TRIO: variants seen among roughly 807,000 people sequenced by gnomAD.
The protein encoded by TRIO is triple functional domain protein.
TRIO carries 58 observed loss-of-function variants against 351.9 expected under a neutral mutation model. The observed-to-expected ratio is 0.16, with a 90% CI of 0.13 to 0.21. TRIO has a LOEUF of 0.21. Ranked by LOEUF, TRIO falls within the 10% of genes least tolerant of loss-of-function variation. The probability of loss-of-function intolerance (pLI) is 1.00; values close to 1 mark genes in which losing one functional copy is unlikely to be tolerated. For synonymous variants in TRIO, 1,758 were observed against 1,595.7 expected (o/e 1.10, Z -2.42); for missense variants, 3,201 against 4,027.8 (o/e 0.79, Z 5.56).
Position 14,369,469 on chromosome 5 carries a change from C to T in TRIO, c.3162C>T (p.Asp1054=). The T allele has an allele frequency of 1.2e-6, 2 of 1,614,094 alleles. No individual in the cohort carries two copies. Among genetic ancestry groups the T allele is most frequent in the Non-Finnish European group, 1.7e-6 (2 of 1,180,012 alleles). ...AGCTGGGCCCAAACTCTGAGACGGA[C>T]CACGTGACGCCCATGATCAGCAAGC... ...ADKLGPNSET[D]HVTPMISKHL... Residue 1054 remains aspartate, a synonymous_variant, in exon 18 of 57, where the codon GAC becomes GAT. Transcript: ENST00000344204.
intron 10 of TRIO, among the ~76,000 whole-genome samples, chr5:14,333,069 T>C (rs889686303): frequency 1.3e-5 from 2 of 152,018 alleles, no homozygotes; most frequent in African/African-American, 4.8e-5. Flanking sequence ...CAGTGGAAAA[T>C]AATGAGACTT....
intron 34 of TRIO, among the ~76,000 whole-genome samples, chr5:14,434,370 C>T (rs1460091050): frequency 2.6e-5 from 4 of 152,028 alleles, no homozygotes; most frequent in African/African-American, 9.7e-5. Context: ...TTTAATTTGT[C>T]TGATACGTTT....
At chr5:14,165,801 C>T (rs889363512) in intron 1 of TRIO, among the ~76,000 whole-genome samples, 4 of 152,158 alleles carry the variant, frequency 2.6e-5, no homozygotes, top group Admixed American at 6.5e-5. Flanking sequence ...TGAACTCTAC[C>T]GGTGGTGTCA....
Position 14,436,314 on chromosome 5 carries a change from T to C in TRIO, c.5203+16293T>C, listed in dbSNP as rs533977067. 7.2e-5 allele frequency among the ~76,000 whole-genome samples: 11 copies of C among 152,254 alleles called. No homozygotes were observed. In the South Asian group the frequency reaches 1.9e-3, roughly 26 times the overall value. ...AAACCGTCAGGTCTTATGAGACTTATTCACTGTCACAAGTACAGCACGGGA... is the reference window on the plus strand; with the variant it reads ...AAACCGTCAGGTCTTATGAGACTTACTCACTGTCACAAGTACAGCACGGGA... On this transcript the variant is annotated intron_variant, in intron 34 of 56. Transcript: ENST00000344204.
intron 2 of TRIO, among the ~76,000 whole-genome samples, chr5:14,276,526 T>C (rs1735535127): frequency 6.6e-6 from 1 of 152,276 alleles, no homozygotes; most frequent in Non-Finnish European, 1.5e-5. Flanking sequence ...CCATCATTTC[T>C]CTTTTTCACA....
intron 33 of TRIO, among the ~76,000 whole-genome samples, chr5:14,416,180 A>G (rs1294939222): frequency 6.7e-6 from 1 of 149,920 alleles, no homozygotes; most frequent in Non-Finnish European, 1.5e-5. Flanking sequence ...CAGACGTAAC[A>G]TACGAGATAG....
At chr5:14,418,173 T>G (rs1451969684) in intron 33 of TRIO, among the ~76,000 whole-genome samples, 1 of 152,090 alleles carries the variant, frequency 6.6e-6, no homozygotes, top group Non-Finnish European at 1.5e-5. Flanking sequence ...GTGGGGGCTT[T>G]CAGCAAGAGG....
At chr5:14,151,169 G>A (rs906717811) in intron 1 of TRIO, among the ~76,000 whole-genome samples, 1 of 152,110 alleles carries the variant, frequency 6.6e-6, no homozygotes, top group Non-Finnish European at 1.5e-5. Context: ...TCTGTTCTTA[G>A]GCATTCTTGT....
At chr5:14,375,240 A>C (rs1452046156) in intron 19 of TRIO, among the ~76,000 whole-genome samples, 2 of 152,232 alleles carry the variant, frequency 1.3e-5, no homozygotes, top group Non-Finnish European at 2.9e-5. Context: ...GTTTTTCTGC[A>C]TGAATAAGTC....
rs188727007 is a variant in TRIO, at chr5:14,289,772, C to G, written c.541-944C>G. Among the ~76,000 whole-genome samples the G allele has an allele frequency of 5.3e-5, 8 of 152,130 alleles. No individual in the cohort carries two copies. The East Asian group carries it at 1.5e-3, about 29-fold the overall frequency. ...GGCTGAGGCAGGAGATCACTTGAAC[C>G]TGGGAGGCAGAGGTTGCAGTAAGCT... On this transcript the variant is annotated intron_variant, in intron 4 of 56. Transcript: ENST00000344204.
At chr5:14,248,925 G>A (rs1222548482) in intron 1 of TRIO, among the ~76,000 whole-genome samples, 6 of 152,174 alleles carry the variant, frequency 3.9e-5, no homozygotes, top group South Asian at 2.1e-4. Context: ...ACTTCCTGAC[G>A]GTGGTGATCT....
At chr5:14,280,929 T>G (rs965255135) in intron 3 of TRIO, among the ~76,000 whole-genome samples, 1 of 152,210 alleles carries the variant, frequency 6.6e-6, no homozygotes. Flanking sequence ...TGAGACTCCA[T>G]TGGTAATGGG....
intron 1 of TRIO, among the ~76,000 whole-genome samples, chr5:14,269,442 A>G (rs1329908819): frequency 6.6e-6 from 1 of 152,240 alleles, no homozygotes; most frequent in Non-Finnish European, 1.5e-5. Context: ...CACACTACAC[A>G]TTCTCTGTGT....
chr5:14,368,423 T>C (rs536318879), intron 16 of TRIO, among the ~76,000 whole-genome samples: 2 of 152,320 alleles, frequency 1.3e-5, no homozygotes, highest in African/African-American at 4.8e-5. Flanking sequence ...TAAGGGTCTT[T>C]CCTGCTATTT....
intron 31 of TRIO, 73 bp downstream of exon 31, chr5:14,401,137 G>T (rs1748035228): frequency 5.6e-6 from 7 of 1,243,708 alleles, no homozygotes; most frequent in Non-Finnish European, 8.0e-6. Context: ...CTTTTCCGTT[G>T]TTTTCATATT....
intron 27 of TRIO, 27 bp from the exon 28 acceptor site, chr5:14,394,011 C>A (rs773791110): frequency 3.3e-6 from 5 of 1,536,766 alleles, no homozygotes; most frequent in Non-Finnish European, 4.5e-6. Flanking sequence ...TATGATAACT[C>A]TTGTTTCTTG....
chr5:14,472,605 G>C lies in TRIO; in HGVS notation c.5926G>C (p.Glu1976Gln), dbSNP rs952144832. The C allele has an allele frequency of 3.1e-6, 5 of 1,613,958 alleles. No homozygotes were observed. The highest frequency in any genetic ancestry group is 2.5e-6 in the Non-Finnish European group (3 of 1,179,970). ...TTTTCTCTCCAGCTACGTTTTGCAA[G>C]AACTAGTGGAGACAGAGCGTGACTA... ...SLKRRHYVLQ[E>Q]LVETERDYVR... Residue 1976 changes from glutamate to glutamine, a missense_variant, in exon 39 of 57, where the codon GAA becomes CAA. Transcript: ENST00000344204.
intron 1 of TRIO, among the ~76,000 whole-genome samples, chr5:14,245,887 G>A (rs1439371899): frequency 6.6e-6 from 1 of 152,204 alleles, no homozygotes; most frequent in African/African-American, 2.4e-5. Flanking sequence ...AAATGACACA[G>A]GCAATGGAAT....
In TRIO at chr5:14,382,119, C is replaced by G. The variant is rs114691394; in HGVS notation, c.3570+867C>G. ...ATTTCGAGTTTTTGGAAAAATCTGA[C>G]AATTATTTCAAATGTATAAGAGTGG... On this transcript the variant is annotated intron_variant, in intron 21 of 56. Transcript: ENST00000344204. Among the ~76,000 whole-genome samples, 1,344 of 152,186 alleles carry G rather than the reference C, an allele frequency of 8.8e-3. 17 individuals carry two copies. Among genetic ancestry groups the G allele is most frequent in the African/African-American group, 0.031 (1,266 of 41,502 alleles).
Sources: gnomAD v4.1 joint callset for allele counts (sites outside exome capture counted in the v4.1 genomes callset) on GRCh38, gnomAD v4.1.1 for gene constraint, MANE v1.5 for transcripts, NCBI Gene and HGNC (gene_info 2026-07-23, HGNC 2026-07-21) for gene names.